TAP2: variants seen among roughly 807,000 people sequenced by gnomAD.
TAP2 encodes transporter 2, ATP binding cassette subfamily B member.
Under a neutral mutation model 74.7 loss-of-function variants are expected in TAP2, and 49 were observed. That is an observed-to-expected ratio of 0.66 (90% CI 0.52 to 0.83). The LOEUF (loss-of-function observed/expected upper bound fraction) is 0.83, where lower values mean the gene tolerates loss of function less well. Among genes scored for constraint, TAP2 ranks in the 40% least tolerant of loss-of-function variants. The probability of loss-of-function intolerance (pLI) is 0.00; values close to 1 mark genes in which losing one functional copy is unlikely to be tolerated. For synonymous variants in TAP2, 306 were observed against 368.4 expected (o/e 0.83, Z 1.94); for missense variants, 739 against 859.0 (o/e 0.86, Z 1.75).
chr6:32,838,458 T>C (rs1769589543), intron 1 of TAP2, among the ~76,000 whole-genome samples, 195 bp downstream of exon 1: 2 of 97,246 alleles, frequency 2.1e-5, no homozygotes. Context: ...ATCAGGAGCC[T>C]CGTGCTTAAA....
chr6:32,834,979 A>G (rs901729600), intron 5 of TAP2, among the ~76,000 whole-genome samples, 175 bp downstream of exon 5: 1 of 152,202 alleles, frequency 6.6e-6, no homozygotes, highest in Non-Finnish European at 1.5e-5. Flanking sequence ...GAAGTCAAAT[A>G]TCCATTGTTG....
rs1769339991 is a variant in TAP2 at position 32,835,263 on chromosome 6, A to G, written c.836T>C (p.Val279Ala). The G allele has an allele frequency of 6.2e-7, 1 of 1,612,936 alleles. No homozygotes were observed. Among genetic ancestry groups the G allele is most frequent in the African/African-American group, 1.3e-5 (1 of 74,910 alleles). The stretch of plus-strand genomic sequence containing the variant: ...GCTGAGCATGAAGCCATACAGCCCC[A>G]CCACTTTCACCAGGCTTCGCAAGAG... ...NVLLRSLVKV[V>A]GLYGFMLSIS... The change falls in exon 5 of 12, where the codon GTG (valine) becomes GCG (alanine). Residue 279 changes from valine to alanine, a missense_variant. Transcript: ENST00000374897. The surrounding 1 kb of genome is among the most constrained non-coding windows in gnomAD (Gnocchi z 4.0).
chr6:32,822,269 C>T (rs751601026), downstream of TAP2: 4 of 1,535,154 alleles, frequency 2.6e-6, no homozygotes, highest in South Asian at 3.5e-5. Context: ...TCATTATTCC[C>T]AGGAAATATC....
In TAP2 at chr6:32,828,313, T is replaced by C. The variant is rs1162694213; in HGVS notation, c.*593A>G. 1.0e-6 allele frequency: 1 copy of C among 985,388 alleles called. No homozygotes were observed. The highest frequency in any genetic ancestry group is 1.2e-6 in the Non-Finnish European group (1 of 829,980). 61.0% of individuals were successfully genotyped at this position (985,388 alleles called of 1,614,324 possible). ...TACTGTTAATCAGGGAACTGTTCTCTGTCCCTCCAGACCCTAGCTTCTTCA... is the reference window on the plus strand; with the variant it reads ...TACTGTTAATCAGGGAACTGTTCTCCGTCCCTCCAGACCCTAGCTTCTTCA... On this transcript the variant is annotated 3_prime_UTR_variant, in exon 12 of 12. Transcript: ENST00000374897.
intron 1 of TAP2, 165 bp from the exon 2 acceptor site, chr6:32,838,402 C>G (rs1320292858): frequency 1.9e-6 from 1 of 524,718 alleles, no homozygotes; most frequent in Admixed American, 6.4e-5. Context: ...TACACCCCTC[C>G]TACGACAGAC....
chr6:32,829,307 C>T, intron 11 of TAP2, 93 bp downstream of exon 11: 1 of 1,536,200 alleles, frequency 6.5e-7, no homozygotes, highest in Non-Finnish European at 8.8e-7. Context: ...CTAGTAGGTC[C>T]TTCGTCCTCC....
Position 32,825,474 on chromosome 6 carries a change from T to C in TAP2, c.*3432A>G, listed in dbSNP as rs1768583644. 1 of 152,202 alleles carries C rather than the reference T, an allele frequency of 6.6e-6. No individual in the cohort carries two copies. Among genetic ancestry groups the C allele is most frequent in the Non-Finnish European group, 1.5e-5 (1 of 68,024 alleles). The allele number at this position is 152,202 out of a possible 1,614,324, so 9.4% of individuals were successfully genotyped here. On this transcript the variant is annotated 3_prime_UTR_variant, in exon 12 of 12. Coordinates refer to ENST00000374897, the MANE Select transcript of TAP2 (RefSeq NM_001290043.2). ...AAAATAAAGTTCAGAACAGTGAACT[T>C]AGACAGCTGCTGTTTGCGAAAATAC...
Position 32,825,922 on chromosome 6 carries a change from G to A in TAP2, c.*2984C>T. 1 of 886,088 alleles carries A rather than the reference G, an allele frequency of 1.1e-6. No individual in the cohort carries two copies. The highest frequency in any genetic ancestry group is 1.4e-6 in the Non-Finnish European group (1 of 739,808). The allele number at this position is 886,088 out of a possible 1,614,324, so 54.9% of individuals were successfully genotyped here. ...AGAATTATCTTGAAAAATAAGGTAA[G>A]AAGACAGGTTTCAGATACTTGGCAC... On this transcript the variant is annotated 3_prime_UTR_variant, in exon 12 of 12. Transcript: ENST00000374897.
rs1296859142 is a variant in TAP2, at chr6:32,826,778, T to C, written c.*2128A>G. ...ACTGTTGCATTATTTTTAAGATGCC[T>C]TCCAGGCTTAAAGTATTATGATGCA... On this transcript the variant is annotated 3_prime_UTR_variant, in exon 12 of 12. Transcript: ENST00000374897. 1.0e-6 allele frequency: 1 copy of C among 985,330 alleles called. No individual in the cohort carries two copies. Among genetic ancestry groups the C allele is most frequent in the African/African-American group, 1.7e-5 (1 of 57,230 alleles). 61.0% of individuals were successfully genotyped at this position (985,330 alleles called of 1,614,324 possible). A position where few individuals can be genotyped will look rare whatever the true frequency, so the allele number is the denominator to read the frequency against.
At chr6:32,831,798 T>G (rs1562329557) in intron 7 of TAP2, among the ~76,000 whole-genome samples, 1 of 152,186 alleles carries the variant, frequency 6.6e-6, no homozygotes, top group Non-Finnish European at 1.5e-5. Context: ...ACTTAAAAGA[T>G]GTATCAACCA....
At position 32,830,662 on chromosome 6, in the gene TAP2, C is replaced by T. The variant is rs765178638; in HGVS notation, c.1417G>A (p.Val473Ile). The T allele has an allele frequency of 6.1e-5, 98 of 1,613,090 alleles. 2 individuals are homozygous for T. The Middle Eastern group carries it at 6.4e-3, about 106-fold the overall frequency. The change falls in exon 8 of 12, where the codon GTC becomes ATC. Residue 473 changes from valine (V) to isoleucine (I), a missense_variant. Coordinates refer to ENST00000374897, the MANE Select transcript of TAP2 (RefSeq NM_001290043.2). ...TLQGVVKFQD[V>I]SFAYPNRPDR... ...GGGCGATTGGGATATGCAAAGGAGA[C>T]GTCTTGGAATTTCACAACCCCCTGC...
chr6:32,830,767 C>T lies in TAP2; in HGVS notation c.1312G>A (p.Gly438Arg). 1 of 1,612,734 alleles carries T rather than the reference C, an allele frequency of 6.2e-7. No homozygotes were observed. The highest frequency in any genetic ancestry group is 2.2e-5 in the East Asian group (1 of 44,876). ...TAGGAGAAAACCTTCTCTGCAGCTC[C>T]CACGTTGCTGAGCATATCCCCATAT... ...YIYGDMLSNV[G>R]AAEKVFSYMD... is the part of the protein sequence containing the mutation. Residue 438 changes from glycine (G) to arginine (R), a missense_variant, in exon 8 of 12, where the codon GGA becomes AGA. Gly to Arg is a moderately radical substitution (Grantham distance 125, BLOSUM62 -2). Coordinates refer to ENST00000374897, the MANE Select transcript of TAP2 (RefSeq NM_001290043.2).
chr6:32,838,033 GAGC>G lies in TAP2; in HGVS notation c.198_200del (p.Leu67del), dbSNP rs1769546331. On this transcript the variant is annotated inframe_deletion, in exon 2 of 12. Transcript: ENST00000374897. ...TCAGGGGGGTGGCCAGACAGAGCGG[GAGC>G]AGCAGTGTCCCCACAAATCCCAGCA... 2 of 1,612,314 alleles carry G rather than the reference GAGC, an allele frequency of 1.2e-6. No homozygotes were observed. The highest frequency in any genetic ancestry group is 1.7e-6 in the Non-Finnish European group (2 of 1,179,806).
chr6:32,830,521 C>A (rs768906580), intron 8 of TAP2, 81 bp from the exon 9 acceptor site: 25 of 1,595,322 alleles, frequency 1.6e-5, no homozygotes, highest in Non-Finnish European at 2.0e-5. Context: ...AGAGGCAAGA[C>A]CAGGTTCTCA....
Position 32,830,002 on chromosome 6 carries a change from T to C in TAP2, c.1723A>G (p.Lys575Glu), listed in dbSNP as rs1195977116. The part of the protein sequence containing the change: ...AYGLQSCEDD[K>E]VMAAAQAAHA... ...GCAGCCTGGGCAGCCGCCATCACCT[T>C]ATCATCTTCGCAGCTCTGCAGCCCA... The change falls in exon 10 of 12, where the codon AAG (lysine) becomes GAG (glutamate). Residue 575 changes from lysine (K) to glutamate (E), a missense_variant. Coordinates refer to ENST00000374897, the MANE Select transcript of TAP2 (RefSeq NM_001290043.2). The C allele has an allele frequency of 6.2e-7, 1 of 1,613,140 alleles. No homozygotes were observed. Among genetic ancestry groups the C allele is most frequent in the East Asian group, 2.2e-5 (1 of 44,888 alleles).
rs1554231653 is a variant in TAP2, at chr6:32,827,733, G to C, written c.*1173C>G. 3.3e-6 allele frequency: 3 copies of C among 918,112 alleles called. No homozygotes were observed. The highest frequency in any genetic ancestry group is 3.9e-6 in the Non-Finnish European group (3 of 775,848). The allele number at this position is 918,112 out of a possible 1,614,324, so 56.9% of individuals were successfully genotyped here. A position where few individuals can be genotyped will look rare whatever the true frequency, so the allele number is the denominator to read the frequency against. On this transcript the variant is annotated 3_prime_UTR_variant, in exon 12 of 12. Transcript: ENST00000374897. ...AGGGTGAGACAGATGGGCTGGAACA[G>C]TGTGTGCTCTGAAAAGGATCTCTGC... is the stretch of plus-strand genomic sequence containing the variant.
chr6:32,829,047 T>C lies in TAP2; in HGVS notation c.1933-13A>G, dbSNP rs746500139. On this transcript the variant is annotated splice_polypyrimidine_tract_variant and intron_variant, in intron 11 of 11. Coordinates refer to ENST00000374897, the MANE Select transcript of TAP2 (RefSeq NM_001290043.2). The stretch of plus-strand genomic sequence containing the variant: ...TCCAGTCCTGCAGCTGAAGGGGTGA[T>C]CACAGTGCCTCAGAAAGACAGGAAT... 6.5e-7 allele frequency: 1 copy of C among 1,540,578 alleles called. No individual in the cohort carries two copies. Among genetic ancestry groups the C allele is most frequent in the Non-Finnish European group, 8.8e-7 (1 of 1,142,044 alleles).
At chr6:32,833,961 C>T (rs915782855) in intron 5 of TAP2, among the ~76,000 whole-genome samples, 3 of 99,630 alleles carry the variant, frequency 3.0e-5, no homozygotes, top group Admixed American at 9.7e-5. Context: ...TTTCACCTTC[C>T]GCCATGATTT....
chr6:32,834,104 G>T (rs1279643251), intron 5 of TAP2, among the ~76,000 whole-genome samples: 1 of 152,180 alleles, frequency 6.6e-6, no homozygotes, highest in Non-Finnish European at 1.5e-5. Context: ...TTGTTAAATA[G>T]AATTGCCATA....
Sources: allele counts gnomAD v4.1 joint callset (sites outside exome capture counted in the v4.1 genomes callset), GRCh38; gene constraint gnomAD v4.1.1; non-coding constraint Gnocchi (gnomAD v3.1); transcripts MANE v1.5; gene names NCBI Gene and HGNC (gene_info 2026-07-23, HGNC 2026-07-21).